The following RNF216 variants were observed in gnomAD, a reference collection of about 807,000 sequenced individuals.
RNF216 encodes E3 ubiquitin-protein ligase RNF216.
In RNF216, 72 loss-of-function variants were observed where a neutral mutation model predicts 110.8. The observed-to-expected ratio is 0.65, with a 90% CI of 0.54 to 0.79. The LOEUF (loss-of-function observed/expected upper bound fraction) is 0.79, where lower values mean the gene tolerates loss of function less well. Among genes scored for constraint, RNF216 ranks in the 30% least tolerant of loss-of-function variants. The pLI, the probability that RNF216 is intolerant of heterozygous loss-of-function variation, is 0.00. For missense variants in RNF216, 1,342 were observed against 1,141.2 expected (o/e 1.18, Z -2.54); for synonymous variants, 495 against 407.5 (o/e 1.21, Z -2.59).
chr7:5,705,866 C>A (rs762098589), intron 13 of RNF216, among the ~76,000 whole-genome samples: 2 of 151,706 alleles, frequency 1.3e-5, no homozygotes, highest in Non-Finnish European at 2.9e-5. Context: ...AAGATCATAC[C>A]ATTGCACTCC....
At chr7:5,676,893 G>C (rs138260437) in intron 13 of RNF216, among the ~76,000 whole-genome samples, 1 of 152,130 alleles carries the variant, frequency 6.6e-6, no homozygotes, top group African/African-American at 2.4e-5. Context: ...TCCAGCTGGG[G>C]CACTTCAAAA....
intron 14 of RNF216, among the ~76,000 whole-genome samples, chr7:5,648,424 T>C (rs983427973): frequency 6.6e-6 from 1 of 151,086 alleles, no homozygotes; most frequent in African/African-American, 2.4e-5. Context: ...AATTTTAATT[T>C]ATAGAAAATT....
chr7:5,726,233 G>A (rs1446956646), intron 7 of RNF216, among the ~76,000 whole-genome samples: 3 of 151,568 alleles, frequency 2.0e-5, no homozygotes, highest in Non-Finnish European at 4.4e-5. Context: ...CCATGATTGC[G>A]CCACTGCACT....
intron 1 of RNF216, among the ~76,000 whole-genome samples, chr7:5,768,631 G>C (rs1270993158): frequency 6.6e-6 from 1 of 151,516 alleles, no homozygotes; most frequent in African/African-American, 2.4e-5. Context: ...AAGATAATTA[G>C]GTAATTCTGA....
chr7:5,642,785 A>G (rs1306068562), intron 14 of RNF216, among the ~76,000 whole-genome samples: 1 of 152,172 alleles, frequency 6.6e-6, no homozygotes, highest in African/African-American at 2.4e-5. Flanking sequence ...AGCTAGACTC[A>G]AGGTTCTAAT....
intron 14 of RNF216, among the ~76,000 whole-genome samples, chr7:5,642,058 G>GA (rs1317581696): frequency 1.6e-5 from 2 of 127,764 alleles, no homozygotes; most frequent in African/African-American, 3.0e-5. Context: ...AAAAAAAAAA[G>GA]AAAGAAAGAA....
chr7:5,754,879 T>C (rs1445093015), intron 2 of RNF216, among the ~76,000 whole-genome samples: 1 of 151,792 alleles, frequency 6.6e-6, no homozygotes, highest in Non-Finnish European at 1.5e-5. Context: ...AATACAAAAA[T>C]TAGCCGGGTG....
chr7:5,725,379 C>G lies in RNF216; in HGVS notation c.1449G>C (p.Arg483Ser), dbSNP rs759559112. 1.2e-6 allele frequency: 2 copies of G among 1,613,958 alleles called. No individual in the cohort carries two copies. Among genetic ancestry groups the G allele is most frequent in the Non-Finnish European group, 1.7e-6 (2 of 1,179,822 alleles). Residue 483 changes from arginine to serine, a missense_variant, in exon 8 of 17, where the codon AGG (arginine) becomes AGC (serine). Physicochemically the swap from Arg to Ser is moderately radical, Grantham distance 110. Coordinates refer to ENST00000389902, the MANE Select transcript of RNF216 (RefSeq NM_207111.4). ...ACTGGTTCATTTGTTTTCTCTTCTTCCTTTTTCCACTGGTTTCTGGTGACA... is the reference window on the plus strand; with the variant it reads ...ACTGGTTCATTTGTTTTCTCTTCTTGCTTTTTCCACTGGTTTCTGGTGACA... Reference protein sequence around the residue: ...QELSPETSGKRKKRKQMNQYS... With the variant: ...QELSPETSGKSKKRKQMNQYS...
chr7:5,633,546 G>GC (rs1209747914), intron 15 of RNF216, among the ~76,000 whole-genome samples: 4 of 152,120 alleles, frequency 2.6e-5, no homozygotes, highest in Non-Finnish European at 4.4e-5. Context: ...CTGCACTCCA[G>GC]CCTGGGCGAC....
rs1794742231 is a variant in RNF216, at chr7:5,741,295, T to C, written c.722A>G (p.Gln241Arg). ...DHPYFQSLNQQPREITNQVVP... is the reference protein window; with the variant it reads ...DHPYFQSLNQRPREITNQVVP... Reference sequence around the variant, plus strand: ...GACCTGGTTTGTTATTTCACGGGGCTGTTGGTTCAGAGACTGGAAGTAAGG... The same window carrying C: ...GACCTGGTTTGTTATTTCACGGGGCCGTTGGTTCAGAGACTGGAAGTAAGG... Residue 241 changes from glutamine (Q) to arginine (R), a missense_variant, in exon 4 of 17, where the codon CAG (glutamine) becomes CGG (arginine). Gln to Arg is a conservative substitution (Grantham distance 43). Transcript: ENST00000389902. 6 of 1,614,032 alleles carry C rather than the reference T, an allele frequency of 3.7e-6. No homozygotes were observed. The highest frequency in any genetic ancestry group is 4.2e-6 in the Non-Finnish European group (5 of 1,179,906).
Position 5,641,117 on chromosome 7 carries a change from T to A in RNF216, c.2382+37A>T. The A allele has an allele frequency of 2.8e-6, 4 of 1,425,194 alleles. No homozygotes were observed. The South Asian group carries it at 4.8e-5, about 17-fold the overall frequency. The allele number at this position is 1,425,194 out of a possible 1,614,324, so 88.3% of individuals were successfully genotyped here. A position where few individuals can be genotyped will look rare whatever the true frequency, so the allele number is the denominator to read the frequency against. On this transcript the variant is annotated intron_variant, in intron 15 of 16. Transcript: ENST00000389902. ...GTCATAAAAATATATTTCTATTTTC[T>A]CCCTATAAAGCAATAGGCAGCCATG... is the stretch of plus-strand genomic sequence containing the variant.
At chr7:5,695,060 G>A (rs1195430996) in intron 13 of RNF216, among the ~76,000 whole-genome samples, 1 of 152,156 alleles carries the variant, frequency 6.6e-6, no homozygotes, top group African/African-American at 2.4e-5. Context: ...GGACACAGAT[G>A]GGTTAGGGAA....
At chr7:5,653,600 C>CAAAAAAAAAAAAAAAA (rs34530431) in intron 13 of RNF216, among the ~76,000 whole-genome samples, 12 of 50,486 alleles carry the variant, frequency 2.4e-4, no homozygotes, top group East Asian at 7.2e-4. Context: ...GACTCTGTCT[C>CAAAAAAAAAAAAAAAA]AAAAAAAAAA....
chr7:5,709,756 T>A (rs1038595091), intron 13 of RNF216, among the ~76,000 whole-genome samples: 3 of 152,112 alleles, frequency 2.0e-5, no homozygotes, highest in African/African-American at 4.8e-5. Flanking sequence ...TTTTATTTTT[T>A]AAATTTTTTT....
At chr7:5,665,619 C>A (rs1789458052) in intron 13 of RNF216, among the ~76,000 whole-genome samples, 1 of 151,872 alleles carries the variant, frequency 6.6e-6, no homozygotes, top group African/African-American at 2.4e-5. Flanking sequence ...CTGGGAGAGA[C>A]CACACATAGC....
Position 5,712,703 on chromosome 7 carries a change from C to T in RNF216, c.1982+12G>A. ...AGAGTTGGCAGATGGCACGCTCTGCCTGAGAACGAACCTGACAAGCTCGTC... is the reference window on the plus strand; with the variant it reads ...AGAGTTGGCAGATGGCACGCTCTGCTTGAGAACGAACCTGACAAGCTCGTC... On this transcript the variant is annotated intron_variant, in intron 12 of 16. Coordinates refer to ENST00000389902, the MANE Select transcript of RNF216 (RefSeq NM_207111.4). 6 of 1,613,936 alleles carry T rather than the reference C, an allele frequency of 3.7e-6. No individual in the cohort carries two copies. Among genetic ancestry groups the T allele is most frequent in the Non-Finnish European group, 5.1e-6 (6 of 1,179,902 alleles).
At chr7:5,743,069 T>C in intron 3 of RNF216, among the ~76,000 whole-genome samples, 1 of 152,082 alleles carries the variant, frequency 6.6e-6, no homozygotes, top group Middle Eastern at 3.2e-3. Context: ...GAGACCATCC[T>C]GGCCAACATG....
At chr7:5,714,025 CAG>C (rs1357249733) in intron 11 of RNF216, among the ~76,000 whole-genome samples, 7 of 152,172 alleles carry the variant, frequency 4.6e-5, no homozygotes, top group African/African-American at 1.4e-4. Flanking sequence ...TTTTCTGAGA[CAG>C]AGTCTCGCCC....
intron 1 of RNF216, among the ~76,000 whole-genome samples, chr7:5,779,591 G>T (rs1235876514): frequency 2.0e-5 from 3 of 148,156 alleles, no homozygotes; most frequent in Non-Finnish European, 4.4e-5. Context: ...TGTAATTCTT[G>T]TGCTTTGGGA....
Sources: allele counts gnomAD v4.1 joint callset (sites outside exome capture counted in the v4.1 genomes callset), GRCh38; gene constraint gnomAD v4.1.1; transcripts MANE v1.5; gene names NCBI Gene and HGNC (gene_info 2026-07-23, HGNC 2026-07-21).